PLA2G4A: variants seen among roughly 807,000 people sequenced by gnomAD.
The protein encoded by PLA2G4A is phospholipase A2 group IVA.
PLA2G4A carries 40 observed loss-of-function variants against 81.9 expected under a neutral mutation model. The ratio of observed to expected loss-of-function variants is 0.49; its 90% CI spans 0.38 to 0.64. PLA2G4A has a LOEUF of 0.64. Ranked by LOEUF, PLA2G4A falls within the 30% of genes least tolerant of loss-of-function variation. The pLI, the probability that PLA2G4A is intolerant of heterozygous loss-of-function variation, is 0.00. For synonymous variants in PLA2G4A, 302 were observed against 296.9 expected, an observed-to-expected ratio of 1.02 and a Z score of -0.18; for missense variants, 715 against 905.1, an observed-to-expected ratio of 0.79 and a Z score of 2.69.
At position 186,932,766 on chromosome 1, in the gene PLA2G4A, C is replaced by G. The variant is rs1308991358; in HGVS notation, c.562C>G (p.Pro188Ala). 5 of 1,613,342 alleles carry G rather than the reference C, an allele frequency of 3.1e-6. No homozygotes were observed. The Admixed American group carries it at 8.3e-5, about 27-fold the overall frequency. Reference protein sequence around the residue: ...SEGLHSARDVPVVAILGSGGG... With the variant: ...SEGLHSARDVAVVAILGSGGG... ...TCTCTCTGTTGCATCGTTTCAGGTG[C>G]CTGTGGTAGCCATATTGGGTTCAGG... Residue 188 changes from proline to alanine, a missense_variant, in exon 8 of 18, where the codon CCT (proline) becomes GCT (alanine). By Grantham distance (27) the Pro-to-Ala change is conservative. Transcript: ENST00000367466.
chr1:186,903,244 A>G (rs1253996833), intron 5 of PLA2G4A, among the ~76,000 whole-genome samples: 1 of 148,542 alleles, frequency 6.7e-6, no homozygotes, highest in Non-Finnish European at 1.5e-5. Context: ...TTCTACCTAG[A>G]AAAAAAAAAG....
chr1:186,855,618 C>T (rs1235148218), intron 2 of PLA2G4A, among the ~76,000 whole-genome samples: 1 of 151,912 alleles, frequency 6.6e-6, no homozygotes, highest in Non-Finnish European at 1.5e-5. Flanking sequence ...TTATTTTTGA[C>T]CTTCATATAC....
chr1:186,892,974 T>G (rs889751822), intron 3 of PLA2G4A, 37 bp from the exon 4 acceptor site: 1 of 1,532,408 alleles, frequency 6.5e-7, no homozygotes, highest in African/African-American at 1.4e-5. Flanking sequence ...ATGAATCACA[T>G]TTCTACCTCC....
intron 7 of PLA2G4A, among the ~76,000 whole-genome samples, chr1:186,920,897 C>A (rs536276082): frequency 1.7e-4 from 26 of 152,316 alleles, no homozygotes; most frequent in Non-Finnish European, 3.8e-4. Flanking sequence ...GCAAACCCAG[C>A]CTGTTTCTGC....
chr1:186,883,845 G>A (rs1480134821), intron 3 of PLA2G4A, among the ~76,000 whole-genome samples: 1 of 152,096 alleles, frequency 6.6e-6, no homozygotes, highest in Non-Finnish European at 1.5e-5. Context: ...AACAGAAGAA[G>A]GCAGAGGACA....
intron 8 of PLA2G4A, among the ~76,000 whole-genome samples, chr1:186,938,769 G>T (rs1176808412): frequency 2.6e-5 from 4 of 152,022 alleles, no homozygotes; most frequent in African/African-American, 9.7e-5. Flanking sequence ...CTTCTCTCTT[G>T]GACTGTGGAT....
chr1:186,965,281 T>A (rs938683486), intron 14 of PLA2G4A, 128 bp from the exon 15 acceptor site: 1 of 716,856 alleles, frequency 1.4e-6, no homozygotes, highest in African/African-American at 1.8e-5. Context: ...TGCCCAGCTC[T>A]ATTTGTCTCC....
intron 10 of PLA2G4A, among the ~76,000 whole-genome samples, chr1:186,940,925 G>A (rs961782743): frequency 6.6e-6 from 1 of 151,996 alleles, no homozygotes. Flanking sequence ...GCCTCATTTT[G>A]TTAAAATCTC....
At chr1:186,858,280 G>C in intron 2 of PLA2G4A, among the ~76,000 whole-genome samples, 1 of 152,018 alleles carries the variant, frequency 6.6e-6, no homozygotes, top group Admixed American at 6.6e-5. Context: ...TGTTTCCTGA[G>C]TTTTTTATGA....
intron 3 of PLA2G4A, among the ~76,000 whole-genome samples, chr1:186,886,574 A>G (rs1173071711): frequency 6.6e-6 from 1 of 152,194 alleles, no homozygotes; most frequent in Non-Finnish European, 1.5e-5. Flanking sequence ...ACAAATTTTC[A>G]TTTAAGTTTT....
intron 7 of PLA2G4A, among the ~76,000 whole-genome samples, chr1:186,921,505 G>A (rs1394758380): frequency 3.3e-5 from 5 of 152,138 alleles, no homozygotes; most frequent in Non-Finnish European, 5.9e-5. Flanking sequence ...ATCTACCCCA[G>A]TATATTGCTT....
intron 1 of PLA2G4A, among the ~76,000 whole-genome samples, chr1:186,853,796 C>A (rs1027421285): frequency 5.3e-5 from 8 of 151,828 alleles, no homozygotes; most frequent in African/African-American, 1.9e-4. Context: ...ACAAACATTT[C>A]TTTAAAAATG....
Position 186,965,399 on chromosome 1 carries a change from T to C in PLA2G4A, c.1580-10T>C. 2 of 1,568,440 alleles carry C rather than the reference T, an allele frequency of 1.3e-6. No individual in the cohort carries two copies. Among genetic ancestry groups the C allele is most frequent in the Non-Finnish European group, 8.8e-7 (1 of 1,138,590 alleles). On this transcript the variant is annotated splice_polypyrimidine_tract_variant and intron_variant, in intron 14 of 17. Transcript: ENST00000367466. Reference sequence around the variant, plus strand: ...TTAATTCATTCTTGTTTTTCTTTTATGTTTTTAAGATCCTGATGAATTTGA... The same window carrying C: ...TTAATTCATTCTTGTTTTTCTTTTACGTTTTTAAGATCCTGATGAATTTGA...
intron 15 of PLA2G4A, among the ~76,000 whole-genome samples, chr1:186,977,197 A>G (rs539660330): frequency 6.6e-6 from 1 of 152,332 alleles, no homozygotes; most frequent in South Asian, 2.1e-4. Context: ...GATACAGGTA[A>G]AAATCCAGTA....
chr1:186,838,168 G>A (rs546269488), intron 1 of PLA2G4A, among the ~76,000 whole-genome samples: 1 of 152,228 alleles, frequency 6.6e-6, no homozygotes, highest in East Asian at 1.9e-4. Context: ...AACCTCTGTG[G>A]GTTTTGAGAA....
chr1:186,962,850 A>G (rs1200552230), intron 14 of PLA2G4A, among the ~76,000 whole-genome samples: 1 of 152,074 alleles, frequency 6.6e-6, no homozygotes, highest in Non-Finnish European at 1.5e-5. Context: ...TATACTATTC[A>G]TTTCAAGCCC....
intron 8 of PLA2G4A, among the ~76,000 whole-genome samples, chr1:186,938,031 G>A (rs567638465): frequency 2.0e-5 from 3 of 151,952 alleles, no homozygotes; most frequent in Non-Finnish European, 4.4e-5. Flanking sequence ...TAAAACATGT[G>A]CTATTTTCTC....
intron 2 of PLA2G4A, among the ~76,000 whole-genome samples, chr1:186,869,604 T>C (rs1036457895): frequency 6.6e-6 from 1 of 152,216 alleles, no homozygotes; most frequent in African/African-American, 2.4e-5. Flanking sequence ...CACTTTTCAG[T>C]ATTGTCAGTA....
At chr1:186,922,430 C>A (rs966353593) in intron 7 of PLA2G4A, among the ~76,000 whole-genome samples, 1 of 152,186 alleles carries the variant, frequency 6.6e-6, no homozygotes, top group Non-Finnish European at 1.5e-5. Context: ...TGTCCAGACT[C>A]CAAGTGCCAG....
Sources: gnomAD v4.1 joint callset for allele counts (sites outside exome capture counted in the v4.1 genomes callset) on GRCh38, gnomAD v4.1.1 for gene constraint, MANE v1.5 for transcripts, NCBI Gene and HGNC (gene_info 2026-07-23, HGNC 2026-07-21) for gene names.